Variants in CIB1 observed in about 807,000 individuals in gnomAD.
CIB1 encodes the protein calcium and integrin-binding protein 1.
CIB1 carries 19 observed loss-of-function variants against 25.0 expected under a neutral mutation model. That is an observed-to-expected ratio of 0.76 (90% CI 0.53 to 1.12). The LOEUF (loss-of-function observed/expected upper bound fraction) is 1.12. Ranked by LOEUF, CIB1 falls within the 50% of genes most tolerant of loss-of-function variation. The pLI is 0.00. For synonymous variants in CIB1, 104 were observed against 98.5 expected, an observed-to-expected ratio of 1.06 and a Z score of -0.33; for missense variants, 236 against 242.6, an observed-to-expected ratio of 0.97 and a Z score of 0.18.
chr15:90,237,255 G>A (rs140433095), upstream of CIB1, among the ~76,000 whole-genome samples: 4 of 149,472 alleles, frequency 2.7e-5, no homozygotes, highest in East Asian at 5.9e-4. Flanking sequence ...CACCGTGCCC[G>A]GACTTTATTG....
At position 90,232,265 on chromosome 15, in the gene CIB1, C is replaced by A. The variant is rs201700406; in HGVS notation, c.149G>T (p.Arg50Leu). The A allele has an allele frequency of 1.9e-6, 3 of 1,612,516 alleles. No homozygotes were observed. The highest frequency in any genetic ancestry group is 2.7e-5 in the African/African-American group (2 of 74,904). ...AATCTGCTCGAAGGGCACTTGTGCCCGAAGTGACGACTCCACGCTCCGCTG... is the reference window on the plus strand; with the variant it reads ...AATCTGCTCGAAGGGCACTTGTGCCAGAAGTGACGACTCCACGCTCCGCTG... ...QEQRSVESSL[R>L]AQVPFEQILS... is the part of the protein sequence containing the mutation. The change falls in exon 3 of 7, where the codon CGG (arginine) becomes CTG (leucine). Residue 50 changes from arginine to leucine, a missense_variant. Transcript: ENST00000328649.
At chr15:90,234,930 G>T (rs1038972877), upstream of CIB1, among the ~76,000 whole-genome samples, 1 of 152,214 alleles carries the variant, frequency 6.6e-6, no homozygotes, top group African/African-American at 2.4e-5. Flanking sequence ...GGAAGTGGAG[G>T]TTGTGTTGGT....
chr15:90,241,847 G>A, the CIB1 span: 1 of 1,614,160 alleles, frequency 6.2e-7, no homozygotes, highest in Admixed American at 1.7e-5. Flanking sequence ...GAGTAATTCT[G>A]TGGGCCCGGA....
chr15:90,244,752 G>A, the CIB1 span: 1 of 152,296 alleles, frequency 6.6e-6, no homozygotes, highest in Non-Finnish European at 1.5e-5. Flanking sequence ...CCAGGAGGCG[G>A]AGGTTGCAGT....
At chr15:90,262,901 A>T in the CIB1 span, 5 of 1,477,892 alleles carry the variant, frequency 3.4e-6, no homozygotes, top group East Asian at 1.2e-4. Context: ...GCCTGTAGCC[A>T]TCCTGGGTGA....
At chr15:90,264,248 A>G in the CIB1 span, among the ~76,000 whole-genome samples, 5 of 152,208 alleles carry the variant, frequency 3.3e-5, no homozygotes, top group African/African-American at 4.8e-5. Flanking sequence ...CTGAAGTACA[A>G]TGGCTTGATC....
chr15:90,265,602 G>A, the CIB1 span: 14 of 1,443,968 alleles, frequency 9.7e-6, no homozygotes, highest in African/African-American at 1.1e-4. Context: ...AGTGAAGCGG[G>A]AAATAACTTG....
At chr15:90,254,022 A>T in the CIB1 span, among the ~76,000 whole-genome samples, 2 of 152,164 alleles carry the variant, frequency 1.3e-5, no homozygotes, top group African/African-American at 4.8e-5. Context: ...AAGAAGCTCC[A>T]GAGGAGGTTG....
chr15:90,263,943 G>A, the CIB1 span: 4 of 1,530,102 alleles, frequency 2.6e-6, no homozygotes, highest in Non-Finnish European at 3.5e-6. Flanking sequence ...GGTACCATCT[G>A]CAGCCCAAGA....
At chr15:90,233,743 G>C in intron 1 of CIB1, 40 bp from the exon 2 acceptor site, 1 of 1,557,662 alleles carries the variant, frequency 6.4e-7, no homozygotes, top group Non-Finnish European at 8.7e-7. Flanking sequence ...CGGACCGCTG[G>C]GAGGCCGCGG....
the CIB1 span, among the ~76,000 whole-genome samples, chr15:90,254,202 TAA>T: frequency 0.016 from 2,253 of 139,074 alleles, 61 homozygotes; most frequent in African/African-American, 0.054. Context: ...TTTTTTTTTT[TAA>T]AAAAAAAAGG....
At chr15:90,256,298 G>A in the CIB1 span, 2 of 1,614,122 alleles carry the variant, frequency 1.2e-6, no homozygotes, top group Non-Finnish European at 1.7e-6. Context: ...CATCTCCAAG[G>A]TGAAGGATGC....
At chr15:90,241,880 C>G in the CIB1 span, 1 of 1,614,092 alleles carries the variant, frequency 6.2e-7, no homozygotes, top group Non-Finnish European at 8.5e-7. Context: ...GGATAAAGGA[C>G]GGTGAAGCTT....
chr15:90,252,427 C>G, the CIB1 span, among the ~76,000 whole-genome samples: 1 of 152,138 alleles, frequency 6.6e-6, no homozygotes, highest in Admixed American at 6.6e-5. Context: ...GTGATCCTCC[C>G]ACTTCAGCTT....
chr15:90,257,065 G>A, the CIB1 span: 3 of 1,386,038 alleles, frequency 2.2e-6, no homozygotes, highest in Middle Eastern at 1.8e-4. Context: ...CTATGTGTGT[G>A]AAGCACTTAG....
intron 3 of CIB1, 109 bp from the exon 4 acceptor site, chr15:90,231,616 T>C (rs2151635196): frequency 7.6e-7 from 1 of 1,313,206 alleles, no homozygotes; most frequent in Non-Finnish European, 1.0e-6. Context: ...CTCAGCCTCG[T>C]GGGGGTGAAC....
chr15:90,232,221 T>G lies in CIB1; in HGVS notation c.193A>C (p.Lys65Gln). The G allele has an allele frequency of 3.1e-6, 5 of 1,608,958 alleles. No homozygotes were observed. The highest frequency in any genetic ancestry group is 4.3e-6 in the Non-Finnish European group (5 of 1,176,208). The change falls in exon 3 of 7, where the codon AAG (lysine) becomes CAG (glutamine). Residue 65 changes from lysine (K) to glutamine (Q), a missense_variant and splice_region_variant. By Grantham distance (53) the Lys-to-Gln change is moderately conservative. Coordinates refer to ENST00000328649, the MANE Select transcript of CIB1 (RefSeq NM_006384.4). Reference sequence around the variant, plus strand: ...TCAAAGGAGGGGAGCGCTTGCACCTTGAGCTCTGGAAGGCTGAGAATCTGC... The same window carrying G: ...TCAAAGGAGGGGAGCGCTTGCACCTGGAGCTCTGGAAGGCTGAGAATCTGC... Reference protein sequence around the residue: ...FEQILSLPELKANPFKERICR... With the variant: ...FEQILSLPELQANPFKERICR...
chr15:90,264,776 C>T, the CIB1 span: 1 of 1,536,090 alleles, frequency 6.5e-7, no homozygotes, highest in East Asian at 2.4e-5. Flanking sequence ...AGGATCAGTG[C>T]CACCCACTTT....
chr15:90,256,338 A>T, the CIB1 span: 1 of 1,612,244 alleles, frequency 6.2e-7, no homozygotes. Flanking sequence ...CCTAGTCCCC[A>T]GCACTGGGCT....
Sources: allele counts gnomAD v4.1 joint callset (sites outside exome capture counted in the v4.1 genomes callset), GRCh38; gene constraint gnomAD v4.1.1; transcripts MANE v1.5; gene names NCBI Gene and HGNC (gene_info 2026-07-23, HGNC 2026-07-21).